PLA2G4E: variants seen among roughly 807,000 people sequenced by gnomAD.
The protein encoded by PLA2G4E is phospholipase A2 group IVE, also known as cytosolic phospholipase A2 epsilon.
A neutral mutation model predicts 109.1 loss-of-function variants in PLA2G4E; 84 were observed. The ratio of observed to expected loss-of-function variants is 0.77; its 90% CI spans 0.65 to 0.92. The LOEUF is 0.92. Among genes scored for constraint, PLA2G4E ranks in the 40% least tolerant of loss-of-function variants. The pLI, the probability that PLA2G4E is intolerant of heterozygous loss-of-function variation, is 0.00. For missense variants in PLA2G4E, 1,057 were observed against 1,076.6 expected, an observed-to-expected ratio of 0.98 and a Z score of 0.25; for synonymous variants, 469 against 436.1, an observed-to-expected ratio of 1.08 and a Z score of -0.94.
intron 18 of PLA2G4E, 68 bp from the exon 19 acceptor site, chr15:41,984,687 T>C: frequency 7.3e-7 from 1 of 1,370,058 alleles, no homozygotes; most frequent in Non-Finnish European, 9.7e-7. Flanking sequence ...CACAGAGTTC[T>C]TAGCCCCAGC....
At chr15:41,990,623 T>TA (rs561635567) in intron 13 of PLA2G4E, among the ~76,000 whole-genome samples, 8 of 151,738 alleles carry the variant, frequency 5.3e-5, no homozygotes, top group South Asian at 2.1e-4. Flanking sequence ...CTCCATTTTT[T>TA]AAAAAAAATC....
Position 41,989,673 on chromosome 15 carries a change from G to A in PLA2G4E, c.1586-121C>T, listed in dbSNP as rs1180995960. On this transcript the variant is annotated intron_variant, in intron 14 of 19. Coordinates refer to ENST00000399518, the Ensembl canonical transcript of PLA2G4E. ...TTGGAAAGCCTGGGACAGGGAGGCC[G>A]CAGTTCCCCCAAAGGACACATGGGG... The A allele has an allele frequency of 1.7e-5, 23 of 1,346,094 alleles. No individual in the cohort carries two copies. The East Asian group carries it at 3.3e-4, about 19-fold the overall frequency. 83.4% of individuals were successfully genotyped at this position (1,346,094 alleles called of 1,614,324 possible). A position where few individuals can be genotyped will look rare whatever the true frequency, so the allele number is the denominator to read the frequency against.
intron 1 of PLA2G4E, among the ~76,000 whole-genome samples, chr15:42,041,442 C>T (rs1668594): frequency 0.19 from 29,018 of 152,046 alleles, 2,930 homozygotes; most frequent in South Asian, 0.33. Context: ...TCCTCCCTTA[C>T]GAATCCAGTT....
At chr15:42,025,318 C>A (rs1007239436) in intron 1 of PLA2G4E, among the ~76,000 whole-genome samples, 1 of 152,148 alleles carries the variant, frequency 6.6e-6, no homozygotes, top group South Asian at 2.1e-4. Context: ...GGGCTTCTGG[C>A]CAAGTTAGGT....
chr15:41,987,990 A>C, intron 16 of PLA2G4E, 59 bp downstream of exon 16: 1 of 1,311,338 alleles, frequency 7.6e-7, no homozygotes, highest in Non-Finnish European at 1.1e-6. Context: ...TCACCCAGCC[A>C]TGAGGGAAAG....
chr15:42,008,277 A>G (rs1704367), intron 2 of PLA2G4E, among the ~76,000 whole-genome samples: 143,562 of 152,318 alleles, frequency 0.94, 67,841 homozygotes, highest in South Asian at 0.98. Context: ...AGGGCCAAGC[A>G]CTCCCTCTGG....
intron 1 of PLA2G4E, among the ~76,000 whole-genome samples, chr15:42,034,477 C>T (rs1431646891): frequency 6.6e-6 from 1 of 152,164 alleles, no homozygotes. Context: ...TTTCCCCTTC[C>T]TCTGATAAGA....
chr15:42,013,576 C>CGA, intron 2 of PLA2G4E, 109 bp downstream of exon 2: 1 of 1,042,092 alleles, frequency 9.6e-7, no homozygotes, highest in Non-Finnish European at 1.4e-6. Context: ...CACGTGCACA[C>CGA]GTGCGCGCGC....
rs947975511 is a variant in PLA2G4E, at chr15:41,990,968, C to T, written c.1471-733G>A. The stretch of plus-strand genomic sequence containing the variant: ...ACTCCTGGGTGACCAACCCTGGTCA[C>T]CCCAGTGTGCAAAGGCTACAGAACC... On this transcript the variant is annotated intron_variant, in intron 13 of 19. Transcript: ENST00000399518. Among the ~76,000 whole-genome samples, 5 of 151,972 alleles carry T rather than the reference C, an allele frequency of 3.3e-5. 1 individual carries two copies. The South Asian group carries it at 1.0e-3, about 32-fold the overall frequency.
chr15:42,003,332 C>T (rs1291127049), intron 5 of PLA2G4E, among the ~76,000 whole-genome samples: 2 of 152,212 alleles, frequency 1.3e-5, no homozygotes, highest in Admixed American at 6.5e-5. Context: ...GGTCTGGGCT[C>T]ACTGCAACCT....
intron 6 of PLA2G4E, 72 bp downstream of exon 6, chr15:42,002,582 T>C (rs2068432621): frequency 3.4e-6 from 5 of 1,468,434 alleles, no homozygotes; most frequent in East Asian, 4.9e-5. Flanking sequence ...GTTTTCTCCC[T>C]TGGTCCTGTT....
At position 41,983,817 on chromosome 15, in the gene PLA2G4E, G is replaced by A. The variant is rs1311897358; in HGVS notation, c.2544C>T (p.Leu848=). Residue 848 remains leucine, a synonymous_variant, in exon 20 of 20, where the codon CTC becomes CTT. Coordinates refer to ENST00000399518, the Ensembl canonical transcript of PLA2G4E. The stretch of plus-strand genomic sequence containing the variant: ...CCACTGCGAGCCGCAGAGCCTGGAG[G>A]AGAGTGTCCTTATTATTCAGGATGT... The A allele has an allele frequency of 9.3e-6, 15 of 1,610,696 alleles. No individual in the cohort carries two copies. The East Asian group carries it at 2.9e-4, about 31-fold the overall frequency.
chr15:42,024,578 T>C (rs2724939), intron 1 of PLA2G4E, among the ~76,000 whole-genome samples: 132,498 of 152,184 alleles, frequency 0.87, 58,127 homozygotes, highest in African/African-American at 0.96. Flanking sequence ...GCCCAGTGGA[T>C]GCCACTCCCC....
Position 42,000,052 on chromosome 15 carries a change from C to T in PLA2G4E, c.852+52G>A, listed in dbSNP as rs1315800580. The T allele has an allele frequency of 5.1e-6, 8 of 1,574,450 alleles. No individual in the cohort carries two copies. The African/African-American group carries it at 6.8e-5, about 13-fold the overall frequency. ...AGGGGCTGGGGAGCTCCTCTGGCAC[C>T]CCCCACCTGTCCCAGTCCCCCACAC... is the stretch of plus-strand genomic sequence containing the variant. On this transcript the variant is annotated intron_variant, in intron 8 of 19. Transcript: ENST00000399518.
intron 1 of PLA2G4E, among the ~76,000 whole-genome samples, chr15:42,031,492 T>C (rs1566849447): frequency 1.3e-5 from 2 of 152,094 alleles, no homozygotes; most frequent in Non-Finnish European, 2.9e-5. Context: ...CTTTCCCATT[T>C]TTCCTCCTCT....
intron 1 of PLA2G4E, among the ~76,000 whole-genome samples, chr15:42,026,744 G>A (rs1421279987): frequency 6.6e-6 from 1 of 152,122 alleles, no homozygotes; most frequent in East Asian, 1.9e-4. Context: ...AGGCCGAGGT[G>A]GGAGGATCAT....
chr15:42,045,815 A>C (rs1447282167), intron 1 of PLA2G4E, among the ~76,000 whole-genome samples: 2 of 152,212 alleles, frequency 1.3e-5, no homozygotes, highest in Non-Finnish European at 2.9e-5. Flanking sequence ...TATGATTTCA[A>C]ACAGATTTCC....
At chr15:41,984,335 G>A (rs962849874) in intron 19 of PLA2G4E, 101 bp downstream of exon 19, 15 of 1,309,280 alleles carry the variant, frequency 1.1e-5, no homozygotes, top group Non-Finnish European at 1.3e-5. Context: ...CTGGAGCTGA[G>A]CCAGGCTTCC....
At chr15:42,030,961 A>AT (rs1889101355) in intron 1 of PLA2G4E, among the ~76,000 whole-genome samples, 1 of 151,948 alleles carries the variant, frequency 6.6e-6, no homozygotes, top group Non-Finnish European at 1.5e-5. Flanking sequence ...GAAGGGCAAA[A>AT]TTTTTTCTTT....
Sources: allele counts gnomAD v4.1 joint callset (sites outside exome capture counted in the v4.1 genomes callset), GRCh38; gene constraint gnomAD v4.1.1; transcripts MANE v1.5; gene names NCBI Gene and HGNC (gene_info 2026-07-23, HGNC 2026-07-21).